STX8: variants seen among roughly 807,000 people sequenced by gnomAD.
STX8 encodes syntaxin-8.
Under a neutral mutation model 37.5 loss-of-function variants are expected in STX8, and 23 were observed. The observed-to-expected ratio is 0.61, with a 90% CI of 0.44 to 0.87. The LOEUF is 0.87. Among genes scored for constraint, STX8 ranks in the 40% least tolerant of loss-of-function variants. The pLI is 0.00. For missense variants in STX8, 313 were observed against 284.7 expected (o/e 1.10, Z -0.71); for synonymous variants, 115 against 99.1 (o/e 1.16, Z -0.95).
At chr17:9,521,507 A>C (rs73269661) in intron 4 of STX8, among the ~76,000 whole-genome samples, 5,317 of 152,298 alleles carry the variant, frequency 0.035, 344 homozygotes, top group African/African-American at 0.12. Context: ...TTATGTAGGA[A>C]TATCTGTAGC....
At chr17:9,329,050 C>CA (rs998679728) in intron 7 of STX8, among the ~76,000 whole-genome samples, 6,135 of 27,922 alleles carry the variant, frequency 0.22, 2,081 homozygotes, top group Non-Finnish European at 0.4. Flanking sequence ...GATTCCATCT[C>CA]AAAAAAAAAA....
intron 7 of STX8, among the ~76,000 whole-genome samples, chr17:9,309,251 T>G (rs1430870136): frequency 6.6e-6 from 1 of 152,196 alleles, no homozygotes. Context: ...GCAAACATTT[T>G]TGAGATTTCA....
chr17:9,398,479 G>A (rs1010979960), intron 6 of STX8, among the ~76,000 whole-genome samples: 3 of 152,172 alleles, frequency 2.0e-5, no homozygotes, highest in African/African-American at 7.2e-5. Flanking sequence ...AAACTAAGGA[G>A]ATGGAGCAAC....
intron 6 of STX8, among the ~76,000 whole-genome samples, chr17:9,387,988 T>C (rs1273285983): frequency 6.6e-6 from 1 of 152,144 alleles, no homozygotes; most frequent in African/African-American, 2.4e-5. Flanking sequence ...GGATTAATGT[T>C]TTAATCTAGA....
chr17:9,528,134 A>G (rs538640002), intron 4 of STX8, among the ~76,000 whole-genome samples: 2 of 152,336 alleles, frequency 1.3e-5, no homozygotes, highest in African/African-American at 4.8e-5. Flanking sequence ...AAAAATAGGA[A>G]AGGAAAACTT....
intron 7 of STX8, among the ~76,000 whole-genome samples, chr17:9,298,810 C>T (rs185688865): frequency 4.6e-5 from 7 of 152,146 alleles, no homozygotes; most frequent in Admixed American, 4.6e-4. Flanking sequence ...GAAACTCTGT[C>T]TCAAAAACAA....
intron 6 of STX8, among the ~76,000 whole-genome samples, chr17:9,400,550 A>T (rs542656305): frequency 1.3e-5 from 2 of 152,026 alleles, no homozygotes; most frequent in African/African-American, 4.8e-5. Flanking sequence ...TATTACAGGC[A>T]CACACCACCA....
intron 6 of STX8, among the ~76,000 whole-genome samples, chr17:9,438,169 G>A (rs1904500928): frequency 6.6e-6 from 1 of 151,250 alleles, no homozygotes; most frequent in Non-Finnish European, 1.5e-5. Flanking sequence ...CTTGAACCCG[G>A]GAGGCGGAGG....
chr17:9,413,891 G>GATCC (rs1361774492), intron 6 of STX8, among the ~76,000 whole-genome samples: 2 of 86,504 alleles, frequency 2.3e-5, no homozygotes, highest in African/African-American at 8.3e-5. Flanking sequence ...TCCATCCATC[G>GATCC]ATCCATCCAT....
At chr17:9,265,912 AGCTCCTCTTC>A (rs1907215088) in intron 7 of STX8, among the ~76,000 whole-genome samples, 1 of 152,128 alleles carries the variant, frequency 6.6e-6, no homozygotes, top group Non-Finnish European at 1.5e-5. Context: ...AAGAAAATCC[AGCTCCTCTTC>A]CCCTATTGCT....
rs186634071 is a variant in STX8, at chr17:9,399,926, G to C, written c.542-21273C>G. Among the ~76,000 whole-genome samples, 16 of 150,844 alleles carry C rather than the reference G, an allele frequency of 1.1e-4. 1 individual carries two copies. In the East Asian group the frequency reaches 3.1e-3, roughly 29 times the overall value. On this transcript the variant is annotated intron_variant, in intron 6 of 7. Transcript: ENST00000306357. ...GAGATCATTCAAGTTTACTCCATAA[G>C]TGTCTTCCAAAATATTAAGTAAATA...
At chr17:9,306,985 G>A (rs376823942) in intron 7 of STX8, among the ~76,000 whole-genome samples, 88 of 151,910 alleles carry the variant, frequency 5.8e-4, no homozygotes, top group Middle Eastern at 3.4e-3. Context: ...TTAGCTGGGC[G>A]TGGTGGTGCA....
intron 7 of STX8, among the ~76,000 whole-genome samples, chr17:9,368,839 C>T (rs923543330): frequency 2.0e-5 from 3 of 152,152 alleles, no homozygotes; most frequent in Non-Finnish European, 4.4e-5. Context: ...GACTCAGACC[C>T]GTCTGTACTA....
chr17:9,403,118 G>C (rs945774728), intron 6 of STX8, among the ~76,000 whole-genome samples: 6 of 152,166 alleles, frequency 3.9e-5, no homozygotes, highest in African/African-American at 1.4e-4. Flanking sequence ...AGTCTGTCCA[G>C]ACTGGACCAA....
Position 9,381,909 on chromosome 17 carries a change from C to G in STX8, c.542-3256G>C, listed in dbSNP as rs538220569. On this transcript the variant is annotated intron_variant, in intron 6 of 7. Transcript: ENST00000306357. ...GCTTGAACCCAGGAGGTGGAGGTTG[C>G]AGTGAGGTGAGATCGCATCACTGTA... Among the ~76,000 whole-genome samples, 12 of 152,230 alleles carry G rather than the reference C, an allele frequency of 7.9e-5. No individual in the cohort carries two copies. The East Asian group carries it at 2.1e-3, about 27-fold the overall frequency.
At chr17:9,558,756 G>C (rs538835153) in intron 2 of STX8, among the ~76,000 whole-genome samples, 1 of 151,958 alleles carries the variant, frequency 6.6e-6, no homozygotes, top group Non-Finnish European at 1.5e-5. Context: ...CCTGGAGGCG[G>C]AGCTTGCAGT....
chr17:9,459,935 A>G (rs908386601), intron 6 of STX8, among the ~76,000 whole-genome samples: 5 of 152,240 alleles, frequency 3.3e-5, no homozygotes. Flanking sequence ...GCTTTGCAGC[A>G]TCTAGAACTC....
At chr17:9,388,876 T>A (rs1053594351) in intron 6 of STX8, among the ~76,000 whole-genome samples, 1 of 151,486 alleles carries the variant, frequency 6.6e-6, no homozygotes, top group Non-Finnish European at 1.5e-5. Context: ...CCCCATCTAA[T>A]GATATCATTT....
At chr17:9,291,547 C>T (rs1318423255) in intron 7 of STX8, among the ~76,000 whole-genome samples, 2 of 151,880 alleles carry the variant, frequency 1.3e-5, no homozygotes, top group South Asian at 2.1e-4. Flanking sequence ...AGATTCTATC[C>T]TCAGTGCTAA....
Sources: gnomAD v4.1 joint callset for allele counts (sites outside exome capture counted in the v4.1 genomes callset) on GRCh38, gnomAD v4.1.1 for gene constraint, MANE v1.5 for transcripts, NCBI Gene and HGNC (gene_info 2026-07-23, HGNC 2026-07-21) for gene names.